The following GUCY1A2 variants were observed in gnomAD, a reference collection of about 807,000 sequenced individuals.
GUCY1A2 encodes guanylate cyclase soluble subunit alpha-2.
A neutral mutation model predicts 63.5 loss-of-function variants in GUCY1A2; 27 were observed. The observed-to-expected ratio is 0.43, with a 90% CI of 0.31 to 0.59. The LOEUF (loss-of-function observed/expected upper bound fraction) is 0.59, where lower values mean the gene tolerates loss of function less well. Ranked by LOEUF, GUCY1A2 falls within the 20% of genes least tolerant of loss-of-function variation. The pLI is 0.11. For missense variants in GUCY1A2, 768 were observed against 913.3 expected, an observed-to-expected ratio of 0.84 and a Z score of 2.05; for synonymous variants, 364 against 343.5, an observed-to-expected ratio of 1.06 and a Z score of -0.66.
Position 106,675,277 on chromosome 11 carries a change from T to C in GUCY1A2, c.*12272A>G. 5.1e-6 allele frequency: 1 copy of C among 196,446 alleles called. No homozygotes were observed. Among genetic ancestry groups the C allele is most frequent in the Non-Finnish European group, 1.1e-5 (1 of 94,606 alleles). The allele number at this position is 196,446 out of a possible 1,614,324, so 12.2% of individuals were successfully genotyped here. On this transcript the variant is annotated 3_prime_UTR_variant, in exon 8 of 8. Transcript: ENST00000526355. ...CAAAATTCTCAGGAGGACTTTTTTT[T>C]TTTTTTTTTAAATAAAGAAAAACCT...
chr11:106,691,684 T>A (rs545244365), intron 7 of GUCY1A2, among the ~76,000 whole-genome samples: 58 of 152,310 alleles, frequency 3.8e-4, no homozygotes, highest in African/African-American at 1.3e-3. Context: ...CTCTTGACAT[T>A]TTAAATAGAT....
At chr11:106,691,122 A>C (rs988872429) in intron 7 of GUCY1A2, among the ~76,000 whole-genome samples, 1 of 152,218 alleles carries the variant, frequency 6.6e-6, no homozygotes, top group South Asian at 2.1e-4. Context: ...ATAGGTGTCA[A>C]TCATTGATGT....
chr11:106,971,219 A>ATGTG (rs67190015), intron 3 of GUCY1A2, among the ~76,000 whole-genome samples: 76,756 of 149,076 alleles, frequency 0.51, 19,939 homozygotes, highest in Non-Finnish European at 0.57. Context: ...ACAAATTTAA[A>ATGTG]TGTGTGTGTG....
chr11:106,794,257 A>G (rs1022649696), intron 5 of GUCY1A2, among the ~76,000 whole-genome samples: 5 of 152,116 alleles, frequency 3.3e-5, no homozygotes, highest in East Asian at 1.9e-4. Context: ...GATAAATACT[A>G]TATGATCTCA....
At chr11:106,919,221 T>G (rs1860408726) in intron 4 of GUCY1A2, among the ~76,000 whole-genome samples, 1 of 152,090 alleles carries the variant, frequency 6.6e-6, no homozygotes. Flanking sequence ...AACATAAGAA[T>G]ATATAATCAC....
At chr11:106,992,204 G>A (rs1861478062) in intron 1 of GUCY1A2, among the ~76,000 whole-genome samples, 1 of 151,730 alleles carries the variant, frequency 6.6e-6, no homozygotes, top group Non-Finnish European at 1.5e-5. Flanking sequence ...CACCAATCAA[G>A]TGAAATAATC....
chr11:106,862,436 G>T (rs1039965585), intron 4 of GUCY1A2, among the ~76,000 whole-genome samples: 2 of 151,910 alleles, frequency 1.3e-5, no homozygotes, highest in Non-Finnish European at 2.9e-5. Flanking sequence ...ATCCCAGCCA[G>T]AAGCATCTTG....
chr11:106,936,516 C>G, intron 4 of GUCY1A2: 1 of 529,132 alleles, frequency 1.9e-6, no homozygotes, highest in Non-Finnish European at 3.4e-6. Context: ...CATACGAATA[C>G]TATAATGAGG....
chr11:106,905,521 C>G (rs759510633), intron 4 of GUCY1A2, among the ~76,000 whole-genome samples: 3 of 152,012 alleles, frequency 2.0e-5, no homozygotes, highest in African/African-American at 7.2e-5. Context: ...ATGAAGGGTA[C>G]GCCTTCAACA....
At chr11:106,941,847 C>A (rs1333642076) in intron 3 of GUCY1A2, among the ~76,000 whole-genome samples, 1 of 152,098 alleles carries the variant, frequency 6.6e-6, no homozygotes, top group Admixed American at 6.6e-5. Flanking sequence ...GAGTAGAAAA[C>A]CTAAGTGAGA....
intron 6 of GUCY1A2, among the ~76,000 whole-genome samples, chr11:106,748,109 C>A (rs536801407): frequency 6.6e-6 from 1 of 152,234 alleles, no homozygotes; most frequent in South Asian, 2.1e-4. Context: ...TTAAAAAAAT[C>A]CATTTGATTT....
chr11:106,854,886 C>G (rs1422105260), intron 4 of GUCY1A2, among the ~76,000 whole-genome samples: 2 of 152,176 alleles, frequency 1.3e-5, no homozygotes, highest in African/African-American at 4.8e-5. Flanking sequence ...GGGCAGCCAC[C>G]CTGGTGTGCT....
intron 4 of GUCY1A2, among the ~76,000 whole-genome samples, chr11:106,868,278 T>C (rs886145801): frequency 1.8e-4 from 27 of 151,916 alleles, no homozygotes; most frequent in African/African-American, 5.1e-4. Context: ...ATATTCAACC[T>C]AATAAGCAAT....
intron 6 of GUCY1A2, among the ~76,000 whole-genome samples, chr11:106,761,506 C>T (rs765712355): frequency 2.6e-5 from 4 of 152,168 alleles, no homozygotes; most frequent in Non-Finnish European, 5.9e-5. Context: ...CAGGCAAATA[C>T]ATTTGGCTCT....
At chr11:106,861,501 A>G (rs1398945426) in intron 4 of GUCY1A2, among the ~76,000 whole-genome samples, 1 of 151,964 alleles carries the variant, frequency 6.6e-6, no homozygotes, top group Non-Finnish European at 1.5e-5. Context: ...CAGTTCTGAA[A>G]TAATCATCTT....
intron 4 of GUCY1A2, among the ~76,000 whole-genome samples, chr11:106,936,224 A>G (rs2119962801): frequency 6.6e-6 from 1 of 152,334 alleles, no homozygotes; most frequent in East Asian, 1.9e-4. Flanking sequence ...TTAACTGCAA[A>G]CTGCTCATTA....
intron 4 of GUCY1A2, among the ~76,000 whole-genome samples, chr11:106,872,531 C>A (rs1859693999): frequency 6.6e-6 from 1 of 152,050 alleles, no homozygotes; most frequent in Non-Finnish European, 1.5e-5. Flanking sequence ...TTTTAAATAT[C>A]TGAGGGATAG....
At chr11:106,778,072 TATTACTTTAGAGA>T (rs1454685884) in intron 5 of GUCY1A2, among the ~76,000 whole-genome samples, 1 of 152,204 alleles carries the variant, frequency 6.6e-6, no homozygotes, top group African/African-American at 2.4e-5. Flanking sequence ...ATAAAAGTTC[TATTACTTTAGAGA>T]AAAGCTCTCT....
At chr11:106,758,503 T>C (rs746484822) in intron 6 of GUCY1A2, among the ~76,000 whole-genome samples, 1 of 152,176 alleles carries the variant, frequency 6.6e-6, no homozygotes, top group Admixed American at 6.6e-5. Flanking sequence ...CTCCATAGGC[T>C]GCACCCACTG....
Sources: gnomAD v4.1 joint callset for allele counts (sites outside exome capture counted in the v4.1 genomes callset) on GRCh38, gnomAD v4.1.1 for gene constraint, MANE v1.5 for transcripts, NCBI Gene and HGNC (gene_info 2026-07-23, HGNC 2026-07-21) for gene names.